Variants in KCNH7 observed in about 807,000 individuals in gnomAD.
The protein encoded by KCNH7 is potassium voltage-gated channel subfamily H member 7.
KCNH7 carries 49 observed loss-of-function variants against 120.8 expected under a neutral mutation model. The observed-to-expected ratio is 0.41, with a 90% CI of 0.32 to 0.51. The LOEUF (loss-of-function observed/expected upper bound fraction) is 0.51. KCNH7 is among the 20% of genes least tolerant of loss of function. The pLI, the probability that KCNH7 is intolerant of heterozygous loss-of-function variation, is 0.38. For missense variants in KCNH7, 1,097 were observed against 1,446.6 expected, an observed-to-expected ratio of 0.76 and a Z score of 3.92; for synonymous variants, 547 against 516.1, an observed-to-expected ratio of 1.06 and a Z score of -0.81.
chr2:162,598,948 T>C (rs999358117), intron 2 of KCNH7, among the ~76,000 whole-genome samples: 1 of 152,068 alleles, frequency 6.6e-6, no homozygotes, highest in Non-Finnish European at 1.5e-5. Context: ...AAATTTGTAA[T>C]TGATTGCTTT....
At chr2:162,774,373 G>A (rs1299578283) in intron 2 of KCNH7, among the ~76,000 whole-genome samples, 1 of 152,152 alleles carries the variant, frequency 6.6e-6, no homozygotes, top group Non-Finnish European at 1.5e-5. Context: ...AACAGGGAAG[G>A]GAGAGAAAGA....
At chr2:162,734,980 A>G (rs1411432134) in intron 2 of KCNH7, among the ~76,000 whole-genome samples, 3 of 152,206 alleles carry the variant, frequency 2.0e-5, no homozygotes, top group Non-Finnish European at 4.4e-5. Context: ...ATCCAAGCCT[A>G]GTAATCTGGT....
chr2:162,452,159 G>A (rs926513186), intron 6 of KCNH7, among the ~76,000 whole-genome samples: 76 of 152,112 alleles, frequency 5.0e-4, no homozygotes, highest in Middle Eastern at 3.4e-3. Flanking sequence ...CAGAGTTGGG[G>A]GAGAAGAAGG....
At chr2:162,459,983 A>G (rs1046313020) in intron 6 of KCNH7, among the ~76,000 whole-genome samples, 4 of 151,704 alleles carry the variant, frequency 2.6e-5, no homozygotes, top group African/African-American at 7.3e-5. Context: ...AGTCCCAGCT[A>G]CTTGGAAGGC....
intron 2 of KCNH7, among the ~76,000 whole-genome samples, chr2:162,828,473 C>T (rs1437939046): frequency 6.6e-6 from 1 of 151,992 alleles, no homozygotes; most frequent in East Asian, 1.9e-4. Flanking sequence ...TTGTCTTGAA[C>T]TCATGCAGTT....
intron 2 of KCNH7, among the ~76,000 whole-genome samples, chr2:162,757,165 A>G (rs893846829): frequency 2.6e-5 from 4 of 152,164 alleles, no homozygotes; most frequent in Non-Finnish European, 5.9e-5. Context: ...TAAAGCTGTT[A>G]AAAAATGTGG....
chr2:162,443,991 G>C (rs1371016501), intron 7 of KCNH7, among the ~76,000 whole-genome samples: 2 of 152,092 alleles, frequency 1.3e-5, no homozygotes, highest in Admixed American at 6.5e-5. Flanking sequence ...GTCTCATGTG[G>C]ATGGTTGCTT....
intron 2 of KCNH7, among the ~76,000 whole-genome samples, chr2:162,670,492 A>AAAAG (rs1553511726): frequency 0.015 from 2,125 of 144,742 alleles, 92 homozygotes; most frequent in East Asian, 0.048. Context: ...AAAAAAAAAA[A>AAAAG]GAAAAATATT....
At chr2:162,769,780 A>G (rs939244354) in intron 2 of KCNH7, among the ~76,000 whole-genome samples, 6 of 152,114 alleles carry the variant, frequency 3.9e-5, no homozygotes, top group Admixed American at 2.0e-4. Context: ...AAGGGGTTAA[A>G]AGTTTTGAAG....
At chr2:162,753,780 G>C (rs1485494746) in intron 2 of KCNH7, among the ~76,000 whole-genome samples, 1 of 151,768 alleles carries the variant, frequency 6.6e-6, no homozygotes, top group Non-Finnish European at 1.5e-5. Flanking sequence ...TGAATGACTT[G>C]GGTTCAAGAA....
intron 6 of KCNH7, among the ~76,000 whole-genome samples, chr2:162,483,824 AC>A (rs1690007451): frequency 6.6e-6 from 1 of 152,094 alleles, no homozygotes; most frequent in African/African-American, 2.4e-5. Flanking sequence ...TCTGCTAGCA[AC>A]CCTGTATTTC....
intron 2 of KCNH7, among the ~76,000 whole-genome samples, chr2:162,726,210 C>A (rs551756158): frequency 2.0e-5 from 3 of 152,132 alleles, no homozygotes; most frequent in African/African-American, 7.2e-5. Flanking sequence ...GTATTTTAAA[C>A]TGGGTCATTT....
chr2:162,375,177 T>C (rs1191409929), intron 14 of KCNH7, among the ~76,000 whole-genome samples: 2 of 152,216 alleles, frequency 1.3e-5, no homozygotes, highest in Non-Finnish European at 2.9e-5. Context: ...TCTGTACAAA[T>C]GTATTCCATT....
At chr2:162,787,440 G>A (rs143665510) in intron 2 of KCNH7, among the ~76,000 whole-genome samples, 1,803 of 152,102 alleles carry the variant, frequency 0.012, 38 homozygotes, top group African/African-American at 0.04. Flanking sequence ...GGACCAACCC[G>A]GTGCCAGGCC....
chr2:162,424,849 A>T (rs76647446), intron 8 of KCNH7, among the ~76,000 whole-genome samples: 1 of 152,136 alleles, frequency 6.6e-6, no homozygotes, highest in Non-Finnish European at 1.5e-5. Flanking sequence ...ATTTAAGGGG[A>T]TGAAAGTTGG....
chr2:162,511,031 G>A (rs919022753), intron 5 of KCNH7, among the ~76,000 whole-genome samples: 4 of 151,668 alleles, frequency 2.6e-5, no homozygotes, highest in Admixed American at 1.3e-4. Flanking sequence ...TGACTTTGAT[G>A]ATTCTACCAT....
chr2:162,664,985 T>A (rs1325713798), intron 2 of KCNH7, among the ~76,000 whole-genome samples: 4 of 152,152 alleles, frequency 2.6e-5, no homozygotes, highest in Non-Finnish European at 5.9e-5. Context: ...ATTTTGAATA[T>A]CACTCTTGGT....
intron 2 of KCNH7, among the ~76,000 whole-genome samples, chr2:162,557,919 CAA>C (rs2105871677): frequency 6.6e-6 from 1 of 152,094 alleles, no homozygotes; most frequent in African/African-American, 2.4e-5. Flanking sequence ...AATTATACGA[CAA>C]GTTTGCTGAT....
chr2:162,385,050 A>C, intron 12 of KCNH7, 111 bp from the exon 13 acceptor site: 1 of 769,948 alleles, frequency 1.3e-6, no homozygotes, highest in Non-Finnish European at 2.0e-6. Context: ...TTTCCTATTG[A>C]AAATGTAGCT....
Sources: allele counts gnomAD v4.1 joint callset (sites outside exome capture counted in the v4.1 genomes callset), GRCh38; gene constraint gnomAD v4.1.1; transcripts MANE v1.5; gene names NCBI Gene and HGNC (gene_info 2026-07-23, HGNC 2026-07-21).